The following MN1 variants were observed in gnomAD, a reference collection of about 807,000 sequenced individuals.
The protein encoded by MN1 is MN1 proto-oncogene, transcriptional regulator.
In MN1, 19 loss-of-function variants were observed where a neutral mutation model predicts 86.9. The observed-to-expected ratio is 0.22, with a 90% CI of 0.15 to 0.32. The LOEUF is 0.32. Ranked by LOEUF, MN1 falls within the 10% of genes least tolerant of loss-of-function variation. The probability of loss-of-function intolerance (pLI) is 1.00; values close to 1 mark genes in which losing one functional copy is unlikely to be tolerated. For missense variants in MN1, 1,841 were observed against 1,862.0 expected, an observed-to-expected ratio of 0.99 and a Z score of 0.21; for synonymous variants, 928 against 849.6, an observed-to-expected ratio of 1.09 and a Z score of -1.60.
chr22:27,750,357 A>G lies in MN1; in HGVS notation c.*558T>C, dbSNP rs1932752966. The G allele has an allele frequency of 4.3e-6, 1 of 231,186 alleles. No homozygotes were observed. Among genetic ancestry groups the G allele is most frequent in the Non-Finnish European group, 8.6e-6 (1 of 116,764 alleles). 14.3% of individuals were successfully genotyped at this position (231,186 alleles called of 1,614,324 possible). On this transcript the variant is annotated 3_prime_UTR_variant, in exon 2 of 2. Coordinates refer to ENST00000302326, the MANE Select transcript of MN1 (RefSeq NM_002430.3). ...TGATGACACTGGGGTGTCAATATAT[A>G]ACATTGTGATGACAATTGGACTTTC...
chr22:27,787,049 C>T (rs1184715337), intron 1 of MN1, among the ~76,000 whole-genome samples: 1 of 152,178 alleles, frequency 6.6e-6, no homozygotes, highest in Non-Finnish European at 1.5e-5. Context: ...TCAAACTGAA[C>T]GAGGCCAAAA....
intron 1 of MN1, among the ~76,000 whole-genome samples, chr22:27,774,410 G>A (rs45458692): frequency 4.1e-4 from 62 of 152,294 alleles, no homozygotes; most frequent in African/African-American, 1.4e-3. Flanking sequence ...GGAGCACAGA[G>A]AGGTGAAGCA....
chr22:27,776,182 G>T (rs1364886081), intron 1 of MN1, among the ~76,000 whole-genome samples: 2 of 152,144 alleles, frequency 1.3e-5, no homozygotes, highest in Admixed American at 6.5e-5. Context: ...CCCTGAAAGG[G>T]GCCTCTCTCC....
At chr22:27,785,140 G>T (rs965958596) in intron 1 of MN1, among the ~76,000 whole-genome samples, 4 of 151,434 alleles carry the variant, frequency 2.6e-5, no homozygotes, top group African/African-American at 9.7e-5. Flanking sequence ...ATGAAATTTG[G>T]GATATGAAAA....
At chr22:27,757,564 GC>G (rs1229893286) in intron 1 of MN1, among the ~76,000 whole-genome samples, 1 of 152,170 alleles carries the variant, frequency 6.6e-6, no homozygotes, top group Non-Finnish European at 1.5e-5. Flanking sequence ...GATGACTCTC[GC>G]CCAACTCACC....
intron 1 of MN1, among the ~76,000 whole-genome samples, chr22:27,793,555 G>A (rs555239442): frequency 6.6e-6 from 1 of 152,086 alleles, no homozygotes; most frequent in South Asian, 2.1e-4. Context: ...TGTACAAATA[G>A]AGCCTCATGC....
chr22:27,770,587 A>G (rs567117478), intron 1 of MN1, among the ~76,000 whole-genome samples: 1 of 152,374 alleles, frequency 6.6e-6, no homozygotes, highest in East Asian at 1.9e-4. Context: ...AAGAGTTTAC[A>G]GATACAAGCA....
chr22:27,797,280 C>A lies in MN1; in HGVS notation c.3264G>T (p.Gly1088=). 1 of 1,595,002 alleles carries A rather than the reference C, an allele frequency of 6.3e-7. No homozygotes were observed. Among genetic ancestry groups the A allele is most frequent in the Non-Finnish European group, 8.5e-7 (1 of 1,177,472 alleles). Residue 1088 remains glycine, a synonymous_variant, in exon 1 of 2, where the codon GGG becomes GGT. Coordinates refer to ENST00000302326, the MANE Select transcript of MN1 (RefSeq NM_002430.3). ...VTGSPKLPPR[G]VGAGEHGPKA... is the part of the protein sequence containing the mutation. ...TCGGTCCGTGTTCCCCGGCGCCTACCCCACGGGGAGGGAGTTTGGGCGAGC... is the reference window on the plus strand; with the variant it reads ...TCGGTCCGTGTTCCCCGGCGCCTACACCACGGGGAGGGAGTTTGGGCGAGC...
intron 1 of MN1, among the ~76,000 whole-genome samples, chr22:27,788,228 A>G (rs963959625): frequency 1.3e-5 from 2 of 151,838 alleles, no homozygotes; most frequent in African/African-American, 4.8e-5. Context: ...AATACGCCGC[A>G]CCCCAATTTC....
intron 1 of MN1, among the ~76,000 whole-genome samples, chr22:27,765,805 TA>T (rs1374246036): frequency 2.0e-5 from 3 of 152,152 alleles, no homozygotes; most frequent in African/African-American, 7.2e-5. Context: ...TGTGTCTTCT[TA>T]CCCGCTCCCT....
At chr22:27,753,582 C>T (rs1029059374) in intron 1 of MN1, among the ~76,000 whole-genome samples, 2 of 152,186 alleles carry the variant, frequency 1.3e-5, no homozygotes, top group Non-Finnish European at 2.9e-5. Context: ...TGGGCGTGTT[C>T]CTGCCCATGA....
rs1568985949 is a variant in MN1, at chr22:27,799,654, G to C, written c.890C>G (p.Pro297Arg). 1 of 1,549,930 alleles carries C rather than the reference G, an allele frequency of 6.5e-7. No individual in the cohort carries two copies. Reference sequence around the variant, plus strand: ...CTGCTGGGGCTGCTGCTGCTGCTGGGGCTGCTGCTGCGGTGGCTGGGCGTG... The same window carrying C: ...CTGCTGGGGCTGCTGCTGCTGCTGGCGCTGCTGCTGCGGTGGCTGGGCGTG... ...KMHAQPPQQQ[P>R]QQQQQPQQQQ... Residue 297 changes from proline to arginine, a missense_variant, in exon 1 of 2, where the codon CCC (proline) becomes CGC (arginine). Physicochemically the swap from Pro to Arg is moderately radical, Grantham distance 103. Transcript: ENST00000302326.
At chr22:27,783,914 C>T (rs937881963) in intron 1 of MN1, among the ~76,000 whole-genome samples, 1 of 152,202 alleles carries the variant, frequency 6.6e-6, no homozygotes, top group Non-Finnish European at 1.5e-5. Context: ...GACACTGGCC[C>T]ATGGCGGCCA....
At chr22:27,796,706 G>A in intron 1 of MN1, 57 bp downstream of exon 1, 5 of 1,513,638 alleles carry the variant, frequency 3.3e-6, no homozygotes, top group Admixed American at 1.8e-5. Context: ...GCTAAGTCCT[G>A]CCCTGGGGAT....
chr22:27,800,608 GCCAGCTACTCGTT>G lies in MN1; in HGVS notation c.-78_-66del. ...GCCGGCTCTCCGCGGCGCGCCTCCG[GCCAGCTACTCGTT>G]CCAGCCCAGGATTGGGCGCTCCGGG... is the stretch of plus-strand genomic sequence containing the variant. On this transcript the variant is annotated 5_prime_UTR_variant, in exon 1 of 2. Coordinates refer to ENST00000302326, the MANE Select transcript of MN1 (RefSeq NM_002430.3). 3 of 1,604,626 alleles carry G rather than the reference GCCAGCTACTCGTT, an allele frequency of 1.9e-6. No homozygotes were observed. Among genetic ancestry groups the G allele is most frequent in the Non-Finnish European group, 2.5e-6 (3 of 1,178,074 alleles).
chr22:27,775,241 GC>G (rs887484135), intron 1 of MN1, among the ~76,000 whole-genome samples: 6 of 152,148 alleles, frequency 3.9e-5, no homozygotes, highest in Admixed American at 1.3e-4. Flanking sequence ...CTCCAACCTG[GC>G]CCCCCGCCCT....
chr22:27,799,674 G>A lies in MN1; in HGVS notation c.870C>T (p.Ala290=), dbSNP rs751102512. Residue 290 remains alanine (A), a synonymous_variant, in exon 1 of 2, where the codon GCC becomes GCT. Transcript: ENST00000302326. The part of the protein sequence containing the change: ...AGMVGLSKMH[A]QPPQQQPQQQ... ...GCTGGGGCTGCTGCTGCGGTGGCTG[G>A]GCGTGCATTTTGGACAAGCCCACCA... The A allele has an allele frequency of 2.6e-5, 40 of 1,551,918 alleles. No individual in the cohort carries two copies. The highest frequency in any genetic ancestry group is 3.3e-5 in the Non-Finnish European group (38 of 1,148,330).
rs765470413 is a variant in MN1 at position 27,750,727 on chromosome 22, C to A, written c.*188G>T. The A allele has an allele frequency of 1.5e-5, 7 of 453,434 alleles. No homozygotes were observed. The highest frequency in any genetic ancestry group is 2.0e-5 in the African/African-American group (1 of 50,062). The allele number at this position is 453,434 out of a possible 1,614,324, so 28.1% of individuals were successfully genotyped here. A position where few individuals can be genotyped will look rare whatever the true frequency, so the allele number is the denominator to read the frequency against. ...TTAAAAAAACTTTTGAGGTTCCCCC[C>A]CTTTAAATTAACCCTTTCCGGTCCA... On this transcript the variant is annotated 3_prime_UTR_variant, in exon 2 of 2. Coordinates refer to ENST00000302326, the MANE Select transcript of MN1 (RefSeq NM_002430.3).
At chr22:27,787,030 G>C (rs577247401) in intron 1 of MN1, among the ~76,000 whole-genome samples, 1 of 152,184 alleles carries the variant, frequency 6.6e-6, no homozygotes, top group Admixed American at 6.5e-5. Context: ...AGATCAATAC[G>C]CGTCTACTTC....
Sources: allele counts gnomAD v4.1 joint callset (sites outside exome capture counted in the v4.1 genomes callset), GRCh38; gene constraint gnomAD v4.1.1; transcripts MANE v1.5; gene names NCBI Gene and HGNC (gene_info 2026-07-23, HGNC 2026-07-21).